The following EFHC1 variants were observed in gnomAD, a reference collection of about 807,000 sequenced individuals.
EFHC1 encodes EF-hand domain containing 1.
A neutral mutation model predicts 69.9 loss-of-function variants in EFHC1; 53 were observed. The observed-to-expected ratio is 0.76, with a 90% confidence interval of 0.61 to 0.95. EFHC1 has a LOEUF of 0.95. EFHC1 is among the 40% of genes least tolerant of loss of function. The pLI is 0.00. For missense variants in EFHC1, 739 were observed against 798.7 expected, an observed-to-expected ratio of 0.93 and a Z score of 0.90; for synonymous variants, 256 against 278.4, an observed-to-expected ratio of 0.92 and a Z score of 0.80.
At chr6:52,465,179 A>G (rs1414931625) in intron 6 of EFHC1, 64 bp downstream of exon 6, 1 of 1,378,360 alleles carries the variant, frequency 7.3e-7, no homozygotes, top group African/African-American at 1.4e-5. Context: ...AATTTAAGAA[A>G]AAAAGACTTC....
chr6:52,469,618 G>C (rs1055018434), intron 7 of EFHC1, 145 bp downstream of exon 7: 1 of 1,188,520 alleles, frequency 8.4e-7, no homozygotes, highest in Non-Finnish European at 1.2e-6. Context: ...CCAGCCTTCA[G>C]GGAGGTTGGA....
intron 7 of EFHC1, among the ~76,000 whole-genome samples, chr6:52,475,091 G>T (rs183332320): frequency 6.6e-6 from 1 of 151,498 alleles, no homozygotes; most frequent in Non-Finnish European, 1.5e-5. Flanking sequence ...TATTAGTAAA[G>T]AAATAGTGGA....
intron 3 of EFHC1, among the ~76,000 whole-genome samples, chr6:52,442,150 T>C (rs1764678639): frequency 2.0e-5 from 3 of 152,094 alleles, no homozygotes. Context: ...GGATAGAAGT[T>C]GTGGAAGAGG....
In EFHC1 at chr6:52,494,943, A is replaced by G. The variant is rs1035758597; in HGVS notation, c.*2602A>G. On this transcript the variant is annotated 3_prime_UTR_variant, in exon 11 of 11. Coordinates refer to ENST00000371068, the MANE Select transcript of EFHC1 (RefSeq NM_018100.4). ...CTTCATTTAAAAAATCTAATCCACCATTGATTGGCACCTAGGTTGATTCCA... is the reference window on the plus strand; with the variant it reads ...CTTCATTTAAAAAATCTAATCCACCGTTGATTGGCACCTAGGTTGATTCCA... 1.1e-5 allele frequency: 5 copies of G among 453,006 alleles called. No individual in the cohort carries two copies. The highest frequency in any genetic ancestry group is 4.7e-5 in the South Asian group (3 of 64,448). 28.1% of individuals were successfully genotyped at this position (453,006 alleles called of 1,614,324 possible).
chr6:52,442,911 A>T (rs1321229632), intron 3 of EFHC1, among the ~76,000 whole-genome samples: 1 of 152,190 alleles, frequency 6.6e-6, no homozygotes, highest in Non-Finnish European at 1.5e-5. Context: ...CATTCCCACC[A>T]ACAGTGTAAA....
chr6:52,485,404 T>C (rs1765765862), intron 9 of EFHC1: 1 of 152,124 alleles, frequency 6.6e-6, no homozygotes, highest in Non-Finnish European at 1.5e-5. Flanking sequence ...GAATATGATA[T>C]CAATAAAAAT....
Position 52,442,452 on chromosome 6 carries a change from C to T in EFHC1, c.573+3861C>T, listed in dbSNP as rs9474223. Among the ~76,000 whole-genome samples the T allele has an allele frequency of 9.0e-3, 1,374 of 152,066 alleles. 22 individuals are homozygous for T. Among genetic ancestry groups the T allele is most frequent in the African/African-American group, 0.031 (1,292 of 41,438 alleles). On this transcript the variant is annotated intron_variant, in intron 3 of 10. Transcript: ENST00000371068. Reference sequence around the variant, plus strand: ...TAGTGGTATCCCTCCCCACACCCCCCACCCTATGACAGGCCCCAGTATGTG... The same window carrying T: ...TAGTGGTATCCCTCCCCACACCCCCTACCCTATGACAGGCCCCAGTATGTG...
intron 7 of EFHC1, among the ~76,000 whole-genome samples, chr6:52,476,493 G>A (rs1765548652): frequency 6.6e-6 from 1 of 152,188 alleles, no homozygotes; most frequent in Admixed American, 6.5e-5. Flanking sequence ...CCCCCAAGAT[G>A]TTTTGTAATT....
chr6:52,453,200 C>T (rs1439022351), intron 4 of EFHC1: 2 of 1,305,742 alleles, frequency 1.5e-6, no homozygotes, highest in African/African-American at 1.5e-5. Context: ...AACCATAAAT[C>T]GATTATTAGG....
At chr6:52,428,788 A>G (rs1025139460) in intron 2 of EFHC1, among the ~76,000 whole-genome samples, 1 of 152,174 alleles carries the variant, frequency 6.6e-6, no homozygotes, top group East Asian at 1.9e-4. Context: ...GGAATCTTCC[A>G]TAGTGGTTGT....
At chr6:52,479,916 C>G (rs1765638652) in intron 9 of EFHC1, 129 bp downstream of exon 9, 2 of 1,413,764 alleles carry the variant, frequency 1.4e-6, no homozygotes, top group African/African-American at 1.4e-5. Context: ...TAGATATAAA[C>G]AGAAGGTTCC....
intron 7 of EFHC1, among the ~76,000 whole-genome samples, chr6:52,474,024 A>T (rs1765492857): frequency 6.6e-6 from 1 of 152,098 alleles, no homozygotes; most frequent in Non-Finnish European, 1.5e-5. Context: ...CCAAGAGGCA[A>T]CTAAACATAT....
chr6:52,423,657 A>ATTTT (rs59383268), intron 1 of EFHC1: 71 of 263,398 alleles, frequency 2.7e-4, no homozygotes, highest in Non-Finnish European at 3.3e-4. Context: ...CACCCAGCTA[A>ATTTT]TTTTTTTTTT....
intron 9 of EFHC1, chr6:52,482,780 A>G: frequency 5.0e-6 from 2 of 398,548 alleles, no homozygotes; most frequent in Non-Finnish European, 8.8e-6. Context: ...ATTTATGTTG[A>G]TAGGTTTGCC....
chr6:52,464,112 C>G (rs2114006819), intron 5 of EFHC1, among the ~76,000 whole-genome samples: 1 of 152,348 alleles, frequency 6.6e-6, no homozygotes, highest in African/African-American at 2.4e-5. Flanking sequence ...CTGATTGACT[C>G]TTAAGATTTC....
At chr6:52,420,981 T>C in intron 1 of EFHC1, 1 of 1,047,752 alleles carries the variant, frequency 9.5e-7, no homozygotes, top group Non-Finnish European at 1.2e-6. Flanking sequence ...CTTCCTCTTC[T>C]GAATCCTGTA....
At chr6:52,468,615 G>A (rs1441039743) in intron 6 of EFHC1, 6 of 152,802 alleles carry the variant, frequency 3.9e-5, no homozygotes, top group Non-Finnish European at 8.8e-5. Context: ...CAAGTGCAAA[G>A]CAAGTTCAGA....
In EFHC1 at chr6:52,492,448, CT is replaced by C. The variant is rs1407745791; in HGVS notation, c.*108del. On this transcript the variant is annotated 3_prime_UTR_variant, in exon 11 of 11. Coordinates refer to ENST00000371068, the MANE Select transcript of EFHC1 (RefSeq NM_018100.4). ...TTACAGGGTTCCTGAAGTTTTATTT[CT>C]GTTTTGGTTCTTCTTTCACTCCTAC... The C allele has an allele frequency of 8.4e-7, 1 of 1,192,592 alleles. No homozygotes were observed. The highest frequency in any genetic ancestry group is 1.2e-6 in the Non-Finnish European group (1 of 823,468). The allele number at this position is 1,192,592 out of a possible 1,614,324, so 73.9% of individuals were successfully genotyped here.
rs148883172 is a variant in EFHC1 at position 52,445,668 on chromosome 6, A to C, written c.574-7020A>C. Among the ~76,000 whole-genome samples, 846 of 152,168 alleles carry C rather than the reference A, an allele frequency of 5.6e-3. 9 individuals carry two copies. The highest frequency in any genetic ancestry group is 0.019 in the African/African-American group (797 of 41,496). On this transcript the variant is annotated intron_variant, in intron 3 of 10. Coordinates refer to ENST00000371068, the MANE Select transcript of EFHC1 (RefSeq NM_018100.4). ...TGTGATGTTAGGGTGTCAATTTTAG[A>C]TCTTACCTGCTTTCTCTTGTGGGCA... is the stretch of plus-strand genomic sequence containing the variant.
Sources: gnomAD v4.1 joint callset for allele counts (sites outside exome capture counted in the v4.1 genomes callset) on GRCh38, gnomAD v4.1.1 for gene constraint, MANE v1.5 for transcripts, NCBI Gene and HGNC (gene_info 2026-07-23, HGNC 2026-07-21) for gene names.